Variants in MTX2 observed in about 807,000 individuals in gnomAD.
The protein encoded by MTX2 is metaxin-2.
A neutral mutation model predicts 42.3 loss-of-function variants in MTX2; 35 were observed. The ratio of observed to expected loss-of-function variants is 0.83; its 90% CI spans 0.63 to 1.10. The LOEUF (loss-of-function observed/expected upper bound fraction) is 1.10. Ranked by LOEUF, MTX2 falls within the 50% of genes least tolerant of loss-of-function variation. The pLI, the probability that MTX2 is intolerant of heterozygous loss-of-function variation, is 0.00. For missense variants in MTX2, 307 were observed against 304.1 expected, an observed-to-expected ratio of 1.01 and a Z score of -0.07; for synonymous variants, 119 against 100.9, an observed-to-expected ratio of 1.18 and a Z score of -1.08.
intron 7 of MTX2, 72 bp from the exon 8 acceptor site, chr2:176,329,229 A>G (rs868395816): frequency 6.8e-7 from 1 of 1,474,818 alleles, no homozygotes. Flanking sequence ...TATTTCTTTT[A>G]GAATTCTATT....
intron 4 of MTX2, among the ~76,000 whole-genome samples, chr2:176,323,959 A>G (rs1045508628): frequency 6.6e-6 from 1 of 151,576 alleles, no homozygotes; most frequent in Non-Finnish European, 1.5e-5. Context: ...CTAATGCTTA[A>G]TTTTAACAGG....
chr2:176,270,024 G>A (rs969153432), intron 1 of MTX2, among the ~76,000 whole-genome samples: 3 of 152,160 alleles, frequency 2.0e-5, no homozygotes, highest in Non-Finnish European at 4.4e-5. Context: ...CAGTCTAAGA[G>A]TGGTGGCAGT....
intron 1 of MTX2, among the ~76,000 whole-genome samples, chr2:176,296,480 T>A (rs572745892): frequency 6.6e-6 from 1 of 152,298 alleles, no homozygotes; most frequent in East Asian, 1.9e-4. Flanking sequence ...TTTTTTGTAG[T>A]GAATTAAACA....
At chr2:176,309,720 CT>C (rs745705028) in intron 3 of MTX2, among the ~76,000 whole-genome samples, 1,724 of 98,558 alleles carry the variant, frequency 0.017, 7 homozygotes, top group African/African-American at 0.066. Flanking sequence ...GCAACCTCTG[CT>C]TTTTTTTTTT....
chr2:176,300,143 G>C (rs1360942170), intron 3 of MTX2, among the ~76,000 whole-genome samples: 1 of 146,778 alleles, frequency 6.8e-6, no homozygotes, highest in African/African-American at 2.5e-5. Context: ...TAGAGAGACA[G>C]AGAGAGAGAG....
At chr2:176,318,109 C>T (rs546603951) in intron 3 of MTX2, among the ~76,000 whole-genome samples, 58 of 152,196 alleles carry the variant, frequency 3.8e-4, no homozygotes, top group African/African-American at 1.3e-3. Flanking sequence ...CTCTGCTCTT[C>T]TTAATGTTTT....
chr2:176,273,913 TA>T (rs35060266), intron 1 of MTX2, among the ~76,000 whole-genome samples: 12,667 of 145,078 alleles, frequency 0.087, 627 homozygotes, highest in Non-Finnish European at 0.11. Flanking sequence ...TAATTTTCCT[TA>T]AAAAAAAAAA....
intron 1 of MTX2, among the ~76,000 whole-genome samples, chr2:176,292,806 T>G (rs1455068578): frequency 2.0e-5 from 3 of 152,228 alleles, no homozygotes; most frequent in African/African-American, 7.2e-5. Flanking sequence ...TTCAGTAATT[T>G]GCTGATGTCA....
chr2:176,329,155 T>A, intron 7 of MTX2, 146 bp from the exon 8 acceptor site: 5 of 1,064,830 alleles, frequency 4.7e-6, no homozygotes, highest in Non-Finnish European at 6.5e-6. Flanking sequence ...CTTAAAATTT[T>A]AATTTTTTAG....
At chr2:176,302,003 A>C (rs1338881616) in intron 3 of MTX2, among the ~76,000 whole-genome samples, 2 of 152,094 alleles carry the variant, frequency 1.3e-5, no homozygotes, top group African/African-American at 2.4e-5. Flanking sequence ...TTATATAATA[A>C]AATGTTACTT....
At chr2:176,307,767 G>A (rs1166038853) in intron 3 of MTX2, among the ~76,000 whole-genome samples, 1 of 152,170 alleles carries the variant, frequency 6.6e-6, no homozygotes, top group African/African-American at 2.4e-5. Flanking sequence ...CTGACACTTT[G>A]CTGAAGTTGC....
At chr2:176,291,826 C>A (rs1040374588) in intron 1 of MTX2, among the ~76,000 whole-genome samples, 1 of 151,896 alleles carries the variant, frequency 6.6e-6, no homozygotes, top group African/African-American at 2.4e-5. Flanking sequence ...TTGTTCCAGG[C>A]AGAAGAAACT....
intron 3 of MTX2, among the ~76,000 whole-genome samples, chr2:176,315,747 T>A (rs1026986716): frequency 6.6e-6 from 1 of 152,156 alleles, no homozygotes; most frequent in African/African-American, 2.4e-5. Flanking sequence ...GTCATACTGG[T>A]CTTGTTAACT....
At chr2:176,306,308 T>C (rs530964249) in intron 3 of MTX2, among the ~76,000 whole-genome samples, 70 of 152,338 alleles carry the variant, frequency 4.6e-4, no homozygotes, top group Non-Finnish European at 5.7e-4. Flanking sequence ...ATCCAGTCTA[T>C]CACTGATGGA....
At chr2:176,286,550 C>CTT (rs553282400) in intron 1 of MTX2, among the ~76,000 whole-genome samples, 4 of 142,208 alleles carry the variant, frequency 2.8e-5, no homozygotes, top group African/African-American at 2.6e-5. Flanking sequence ...CACTCTGAGT[C>CTT]TTTTTTTTTT....
intron 3 of MTX2, among the ~76,000 whole-genome samples, 189 bp from the exon 4 acceptor site, chr2:176,323,203 A>G (rs1328559926): frequency 6.6e-6 from 1 of 151,876 alleles, no homozygotes; most frequent in Non-Finnish European, 1.5e-5. Context: ...TCTAAATCAT[A>G]CTGATTTTTA....
At chr2:176,271,355 C>G (rs1164533136) in intron 1 of MTX2, among the ~76,000 whole-genome samples, 1 of 151,966 alleles carries the variant, frequency 6.6e-6, no homozygotes, top group Non-Finnish European at 1.5e-5. Flanking sequence ...GAGGCCTAAG[C>G]AAAACTTAAG....
At chr2:176,331,659 T>G (rs1684867632) in intron 9 of MTX2, among the ~76,000 whole-genome samples, 1 of 151,184 alleles carries the variant, frequency 6.6e-6, no homozygotes, top group Non-Finnish European at 1.5e-5. Context: ...AGAAAAATCT[T>G]CAGAATTCAA....
chr2:176,297,204 G>C (rs1683908672), intron 2 of MTX2, among the ~76,000 whole-genome samples: 1 of 152,162 alleles, frequency 6.6e-6, no homozygotes, highest in African/African-American at 2.4e-5. Flanking sequence ...TGAGACAGCA[G>C]ATTTTTGAAG....
Sources: allele counts gnomAD v4.1 joint callset (sites outside exome capture counted in the v4.1 genomes callset), GRCh38; gene constraint gnomAD v4.1.1; transcripts MANE v1.5; gene names NCBI Gene and HGNC (gene_info 2026-07-23, HGNC 2026-07-21).